KRABD2: variants seen among roughly 807,000 people sequenced by gnomAD.
KRABD2 encodes the protein KRAB domain containing 2.
At chr17:8,367,434 G>GGCTGCAGTGAGCCCAGATCATGCC in the KRABD2 span, among the ~76,000 whole-genome samples, 1 of 151,962 alleles carries the variant, frequency 6.6e-6, no homozygotes, top group Admixed American at 6.6e-5. Context: ...GGGAGGCGGA[G>GGCTGCAGTGAGCCCAGATCATGCC]GCTGCAGTGA....
the KRABD2 span, chr17:8,371,588 A>G: frequency 2.0e-6 from 3 of 1,526,806 alleles, no homozygotes; most frequent in Admixed American, 6.4e-5. Flanking sequence ...AGAAATAAGA[A>G]ATAGGTCTCA....
At chr17:8,362,417 G>A in the KRABD2 span, among the ~76,000 whole-genome samples, 1 of 152,112 alleles carries the variant, frequency 6.6e-6, no homozygotes, top group East Asian at 1.9e-4. This position sits in a 1 kb window ranked among gnomAD's most constrained non-coding sequence, Gnocchi z 4.2. Flanking sequence ...ATTCCAAGCA[G>A]AGCTTTACTT....
chr17:8,373,323 C>T, the KRABD2 span, among the ~76,000 whole-genome samples: 6 of 152,246 alleles, frequency 3.9e-5, no homozygotes, highest in Admixed American at 3.3e-4. Flanking sequence ...TGCCCACAGG[C>T]GCCGCCATGC....
chr17:8,370,473 T>C, the KRABD2 span: 1 of 860,680 alleles, frequency 1.2e-6, no homozygotes, highest in Non-Finnish European at 1.8e-6. Context: ...CATCAATTCT[T>C]TCATCTAATT....
At chr17:8,373,817 G>T in the KRABD2 span, 1 of 162,774 alleles carries the variant, frequency 6.1e-6, no homozygotes, top group Non-Finnish European at 1.3e-5. Context: ...GCCTCTGCCC[G>T]GCCGTGACCC....
the KRABD2 span, chr17:8,359,490 C>G: frequency 2.3e-6 from 1 of 432,210 alleles, no homozygotes; most frequent in South Asian, 1.7e-5. Context: ...TTAGCAGTCT[C>G]TTTATTTGTT....
At chr17:8,360,278 A>T in the KRABD2 span, among the ~76,000 whole-genome samples, 1 of 151,890 alleles carries the variant, frequency 6.6e-6, no homozygotes, top group African/African-American at 2.4e-5. Context: ...ACTAGATCCA[A>T]ACCAAAATGA....
At chr17:8,371,310 C>T in the KRABD2 span, 2 of 1,601,312 alleles carry the variant, frequency 1.2e-6, no homozygotes, top group East Asian at 2.2e-5. Context: ...AGCCCTTACC[C>T]TGTGGGACCG....
the KRABD2 span, chr17:8,369,319 T>G: frequency 6.2e-7 from 1 of 1,614,270 alleles, no homozygotes; most frequent in Non-Finnish European, 8.5e-7. Flanking sequence ...GTTTGTAAAG[T>G]AGCCACAGTT....
At chr17:8,370,513 A>G in the KRABD2 span, 1 of 665,822 alleles carries the variant, frequency 1.5e-6, no homozygotes, top group South Asian at 2.2e-5. Flanking sequence ...AAGAATGATA[A>G]TAGAATAATA....
At chr17:8,371,044 CT>C in the KRABD2 span, among the ~76,000 whole-genome samples, 1 of 152,158 alleles carries the variant, frequency 6.6e-6, no homozygotes, top group African/African-American at 2.4e-5. Flanking sequence ...TGGCAGGAGC[CT>C]GTAATCCCAG....
chr17:8,376,318 A>C, the KRABD2 span: 1 of 1,221,438 alleles, frequency 8.2e-7, no homozygotes, highest in African/African-American at 1.6e-5. Context: ...AAGCAAAGTT[A>C]CTGAGGCCTC....
the KRABD2 span, chr17:8,369,465 T>A: frequency 5.6e-6 from 9 of 1,614,102 alleles, no homozygotes; most frequent in Non-Finnish European, 7.6e-6. Context: ...TTTGGCCCAG[T>A]GACATGAGTG....
the KRABD2 span, among the ~76,000 whole-genome samples, chr17:8,360,555 G>C: frequency 1.3e-5 from 2 of 152,120 alleles, no homozygotes; most frequent in African/African-American, 4.8e-5. Flanking sequence ...ACCAAATTCA[G>C]TAAGTTCAAA....
chr17:8,371,499 G>C, the KRABD2 span: 1 of 1,608,722 alleles, frequency 6.2e-7, no homozygotes, highest in Non-Finnish European at 8.5e-7. Context: ...GCAGGACTGG[G>C]GAAGAGACAA....
chr17:8,374,729 A>G, the KRABD2 span, among the ~76,000 whole-genome samples: 1 of 150,778 alleles, frequency 6.6e-6, no homozygotes, highest in Non-Finnish European at 1.5e-5. Context: ...GGCGGATTAC[A>G]AGGTCAGGAG....
the KRABD2 span, chr17:8,369,619 T>C: frequency 6.2e-7 from 1 of 1,614,238 alleles, no homozygotes; most frequent in Non-Finnish European, 8.5e-7. Flanking sequence ...ACAACCTGGT[T>C]TGTGAACTCA....
chr17:8,363,825 T>TA, the KRABD2 span, among the ~76,000 whole-genome samples: 4 of 74,236 alleles, frequency 5.4e-5, no homozygotes, highest in East Asian at 1.4e-3. Context: ...CATATATATA[T>TA]CATACATATA....
At chr17:8,376,547 C>A in the KRABD2 span, 1 of 988,000 alleles carries the variant, frequency 1.0e-6, no homozygotes, top group Non-Finnish European at 1.2e-6. Flanking sequence ...CCGCCTGGAT[C>A]CATGCCCGTC....
Sources: allele counts gnomAD v4.1 joint callset (sites outside exome capture counted in the v4.1 genomes callset), GRCh38; gene constraint gnomAD v4.1.1; non-coding constraint Gnocchi (gnomAD v3.1); transcripts MANE v1.5; gene names NCBI Gene and HGNC (gene_info 2026-07-23, HGNC 2026-07-21).